Variants in SPECC1 observed in about 807,000 individuals in gnomAD.
SPECC1 encodes the protein sperm antigen with calponin homology and coiled-coil domains 1.
SPECC1 carries 62 observed loss-of-function variants against 104.1 expected under a neutral mutation model. The observed-to-expected ratio is 0.60, with a 90% CI of 0.49 to 0.74. The LOEUF is 0.74. SPECC1 is among the 30% of genes least tolerant of loss of function. The pLI, the probability that SPECC1 is intolerant of heterozygous loss-of-function variation, is 0.00. For missense variants in SPECC1, 1,306 were observed against 1,310.5 expected (o/e 1.00, Z 0.05); for synonymous variants, 513 against 501.6 (o/e 1.02, Z -0.30).
At chr17:20,093,161 A>G (rs913381276) in intron 1 of SPECC1, among the ~76,000 whole-genome samples, 1 of 152,212 alleles carries the variant, frequency 6.6e-6, no homozygotes, top group Non-Finnish European at 1.5e-5. Context: ...TATTGCTCAC[A>G]GTTCTGGAGG....
At chr17:20,113,373 T>C (rs1313500004) in intron 3 of SPECC1, among the ~76,000 whole-genome samples, 1 of 152,174 alleles carries the variant, frequency 6.6e-6, no homozygotes, top group Non-Finnish European at 1.5e-5. Context: ...GCACAACATA[T>C]GCAATTTATA....
At chr17:20,279,179 A>G (rs963398653) in intron 12 of SPECC1, among the ~76,000 whole-genome samples, 5 of 152,192 alleles carry the variant, frequency 3.3e-5, no homozygotes, top group Admixed American at 3.3e-4. Flanking sequence ...CATTTTTTCC[A>G]TTCTCTTACT....
chr17:20,308,496 G>C (rs1266718266), intron 14 of SPECC1, among the ~76,000 whole-genome samples: 1 of 151,216 alleles, frequency 6.6e-6, no homozygotes, highest in African/African-American at 2.4e-5. Flanking sequence ...ACCATGAACA[G>C]TGCTATGCCA....
intron 3 of SPECC1, among the ~76,000 whole-genome samples, chr17:20,154,945 T>C (rs544706941): frequency 1.7e-4 from 26 of 152,150 alleles, no homozygotes; most frequent in Admixed American, 1.0e-3. Context: ...CTGCCACTTA[T>C]GGAGATGGAG....
intron 4 of SPECC1, among the ~76,000 whole-genome samples, chr17:20,209,199 T>C (rs1178259910): frequency 2.0e-5 from 3 of 152,164 alleles, no homozygotes; most frequent in African/African-American, 7.2e-5. Flanking sequence ...CTTCCAAATA[T>C]AGCTGCCTTC....
intron 4 of SPECC1, 39 bp from the exon 5 acceptor site, chr17:20,227,374 T>C: frequency 1.3e-6 from 2 of 1,582,658 alleles, no homozygotes; most frequent in Non-Finnish European, 1.7e-6. Flanking sequence ...GGGAATTTTT[T>C]TGTTGTTAAC....
At chr17:20,110,728 T>C (rs1159528380) in intron 3 of SPECC1, among the ~76,000 whole-genome samples, 166 bp downstream of exon 3, 1 of 151,796 alleles carries the variant, frequency 6.6e-6, no homozygotes, top group African/African-American at 2.4e-5. Context: ...CCACAGGGAG[T>C]TTACATCTAT....
intron 14 of SPECC1, among the ~76,000 whole-genome samples, chr17:20,311,948 C>T (rs1333357692): frequency 1.3e-5 from 2 of 152,108 alleles, no homozygotes; most frequent in East Asian, 3.8e-4. Context: ...GTTAATGTGA[C>T]GAATTACATC....
At chr17:20,106,200 T>G (rs2048189964) in intron 2 of SPECC1, among the ~76,000 whole-genome samples, 1 of 152,160 alleles carries the variant, frequency 6.6e-6, no homozygotes, top group Non-Finnish European at 1.5e-5. Context: ...TGATTTTCAT[T>G]TGGGGACCAG....
chr17:20,127,322 G>A (rs1214195420), intron 3 of SPECC1, among the ~76,000 whole-genome samples: 2 of 151,858 alleles, frequency 1.3e-5, no homozygotes, highest in Non-Finnish European at 2.9e-5. Flanking sequence ...GAGCTTTCCA[G>A]ATAGATCTAG....
At chr17:20,284,267 A>G (rs2151682578) in intron 12 of SPECC1, among the ~76,000 whole-genome samples, 1 of 152,346 alleles carries the variant, frequency 6.6e-6, no homozygotes, top group African/African-American at 2.4e-5. Context: ...AGAGCACAGC[A>G]GCCCCACTGG....
At chr17:20,037,539 G>A (rs2045141784) in intron 1 of SPECC1, among the ~76,000 whole-genome samples, 3 of 151,478 alleles carry the variant, frequency 2.0e-5, no homozygotes, top group Non-Finnish European at 2.9e-5. Flanking sequence ...CCCATAGGCA[G>A]TGTGTCAAGA....
intron 1 of SPECC1, among the ~76,000 whole-genome samples, chr17:20,015,582 C>CTCTTTTTTT (rs1469162594): frequency 3.7e-5 from 3 of 81,048 alleles, no homozygotes; most frequent in Non-Finnish European, 8.7e-5. Context: ...TTCCGGGTCT[C>CTCTTTTTTT]TATTTTTTTT....
chr17:20,028,980 TCGAGCTCC>T (rs995397513), intron 1 of SPECC1, among the ~76,000 whole-genome samples: 4 of 152,200 alleles, frequency 2.6e-5, no homozygotes, highest in Admixed American at 2.0e-4. Context: ...CAGGCTGATC[TCGAGCTCC>T]CGACCTCAGG....
At chr17:20,236,226 A>G (rs1409176568) in intron 7 of SPECC1, among the ~76,000 whole-genome samples, 1 of 152,150 alleles carries the variant, frequency 6.6e-6, no homozygotes, top group Non-Finnish European at 1.5e-5. Flanking sequence ...TGACGGCATG[A>G]TGGACAGGGG....
intron 12 of SPECC1, among the ~76,000 whole-genome samples, chr17:20,262,203 C>T (rs1299322073): frequency 6.6e-6 from 1 of 152,066 alleles, no homozygotes; most frequent in Non-Finnish European, 1.5e-5. Flanking sequence ...TTTATCCATT[C>T]GATTATTGAT....
intron 1 of SPECC1, among the ~76,000 whole-genome samples, chr17:20,018,304 G>C (rs1260053521): frequency 6.6e-6 from 1 of 152,142 alleles, no homozygotes; most frequent in African/African-American, 2.4e-5. Context: ...CGGCACTCTT[G>C]TTTTCCAGGT....
chr17:20,216,759 A>C (rs2037514948), intron 4 of SPECC1, among the ~76,000 whole-genome samples: 1 of 152,150 alleles, frequency 6.6e-6, no homozygotes, highest in Non-Finnish European at 1.5e-5. Flanking sequence ...TTGATCTTTG[A>C]AATTGAGAGA....
chr17:20,080,090 AATGT>A (rs2046907486), intron 1 of SPECC1, among the ~76,000 whole-genome samples: 1 of 152,184 alleles, frequency 6.6e-6, no homozygotes, highest in African/African-American at 2.4e-5. Flanking sequence ...TAACATTATT[AATGT>A]ATCTTGAAAG....
Sources: gnomAD v4.1 joint callset for allele counts (sites outside exome capture counted in the v4.1 genomes callset) on GRCh38, gnomAD v4.1.1 for gene constraint, MANE v1.5 for transcripts, NCBI Gene and HGNC (gene_info 2026-07-23, HGNC 2026-07-21) for gene names.